The following DRAM1 variants were observed in gnomAD, a reference collection of about 807,000 sequenced individuals.
DRAM1 encodes DNA damage regulated autophagy modulator 1.
A neutral mutation model predicts 28.5 loss-of-function variants in DRAM1; 25 were observed. The observed-to-expected ratio is 0.88, with a 90% CI of 0.64 to 1.23. The LOEUF (loss-of-function observed/expected upper bound fraction) is 1.23. Ranked by LOEUF, DRAM1 falls within the 50% of genes most tolerant of loss-of-function variation. The probability of loss-of-function intolerance (pLI) is 0.00; values close to 1 mark genes in which losing one functional copy is unlikely to be tolerated. For missense variants in DRAM1, 249 were observed against 299.2 expected (o/e 0.83, Z 1.24); for synonymous variants, 113 against 114.2 (o/e 0.99, Z 0.07).
Position 101,901,526 on chromosome 12 carries a change from A to G in DRAM1, c.342+93A>G. 3 of 1,424,730 alleles carry G rather than the reference A, an allele frequency of 2.1e-6. No homozygotes were observed. The South Asian group carries it at 4.0e-5, about 19-fold the overall frequency. The allele number at this position is 1,424,730 out of a possible 1,614,324, so 88.3% of individuals were successfully genotyped here. A position where few individuals can be genotyped will look rare whatever the true frequency, so the allele number is the denominator to read the frequency against. ...ATGCAAGAGGCACACTTATGCCATT[A>G]TAGCCATTAAATGCTTGATGAGTTT... On this transcript the variant is annotated intron_variant, in intron 3 of 6. Coordinates refer to ENST00000258534, the MANE Select transcript of DRAM1 (RefSeq NM_018370.3).
chr12:101,892,070 G>C (rs1435215112), intron 1 of DRAM1, among the ~76,000 whole-genome samples: 4 of 152,148 alleles, frequency 2.6e-5, no homozygotes, highest in Non-Finnish European at 4.4e-5. Context: ...CTGGATTCCA[G>C]TATCACCAGA....
intron 1 of DRAM1, among the ~76,000 whole-genome samples, chr12:101,889,444 C>A (rs1372611944): frequency 6.8e-6 from 1 of 147,542 alleles, no homozygotes; most frequent in Non-Finnish European, 1.5e-5. Context: ...TCCACTCAGA[C>A]AAGAAAAGAG....
intron 1 of DRAM1, among the ~76,000 whole-genome samples, chr12:101,880,786 C>T (rs1872663013): frequency 6.6e-6 from 1 of 152,118 alleles, no homozygotes; most frequent in African/African-American, 2.4e-5. Flanking sequence ...GGAAAATAAG[C>T]TGACAAGGTG....
chr12:101,902,393 C>A (rs1270605936), intron 3 of DRAM1, among the ~76,000 whole-genome samples: 2 of 152,070 alleles, frequency 1.3e-5, no homozygotes, highest in Non-Finnish European at 2.9e-5. Context: ...CTTCCTAGAG[C>A]CTGTGAGAGC....
Position 101,885,283 on chromosome 12 carries a change from A to G in DRAM1, c.131+7363A>G, listed in dbSNP as rs147530924. Among the ~76,000 whole-genome samples, 213 of 152,270 alleles carry G rather than the reference A, an allele frequency of 1.4e-3. 1 individual carries two copies. Among genetic ancestry groups the G allele is most frequent in the African/African-American group, 4.7e-3 (196 of 41,556 alleles). Reference sequence around the variant, plus strand: ...GTCTTTCATTTCACATTTAACTTTAAAGAAAGTTTCCTTCTTCTCTTTTTG... The same window carrying G: ...GTCTTTCATTTCACATTTAACTTTAGAGAAAGTTTCCTTCTTCTCTTTTTG... On this transcript the variant is annotated intron_variant, in intron 1 of 6. Coordinates refer to ENST00000258534, the MANE Select transcript of DRAM1 (RefSeq NM_018370.3).
chr12:101,897,831 C>G, intron 1 of DRAM1, 32 bp from the exon 2 acceptor site: 1 of 1,527,570 alleles, frequency 6.5e-7, no homozygotes, highest in Non-Finnish European at 9.1e-7. Flanking sequence ...GAATTTCTTT[C>G]TAATAATTTG....
At chr12:101,892,641 G>T (rs1475525247) in intron 1 of DRAM1, among the ~76,000 whole-genome samples, 1 of 152,050 alleles carries the variant, frequency 6.6e-6, no homozygotes, top group East Asian at 1.9e-4. Context: ...TTGCCTCTTG[G>T]AAAGTTTTCA....
Position 101,921,438 on chromosome 12 carries a change from G to T in DRAM1, c.*178G>T. Reference sequence around the variant, plus strand: ...TATTTCTAAAGATGTGTTTCCTAGAGAATGTACAGCCTTATGACACTGTAG... The same window carrying T: ...TATTTCTAAAGATGTGTTTCCTAGATAATGTACAGCCTTATGACACTGTAG... On this transcript the variant is annotated 3_prime_UTR_variant, in exon 7 of 7. Transcript: ENST00000258534. 1 of 600,320 alleles carries T rather than the reference G, an allele frequency of 1.7e-6. No homozygotes were observed. The highest frequency in any genetic ancestry group is 3.0e-6 in the Non-Finnish European group (1 of 334,386). 37.2% of individuals were successfully genotyped at this position (600,320 alleles called of 1,614,324 possible). A position where few individuals can be genotyped will look rare whatever the true frequency, so the allele number is the denominator to read the frequency against.
chr12:101,910,563 C>T (rs571621104), intron 4 of DRAM1, among the ~76,000 whole-genome samples: 14 of 151,744 alleles, frequency 9.2e-5, no homozygotes, highest in South Asian at 6.3e-4. Flanking sequence ...CTGCAACCTC[C>T]GCCTCCCGGG....
At chr12:101,883,435 C>A (rs1872761552) in intron 1 of DRAM1, among the ~76,000 whole-genome samples, 1 of 151,166 alleles carries the variant, frequency 6.6e-6, no homozygotes, top group Non-Finnish European at 1.5e-5. Flanking sequence ...CTGCCTCAGC[C>A]TCCTGATAGC....
At chr12:101,879,153 C>A (rs556317978) in intron 1 of DRAM1, among the ~76,000 whole-genome samples, 2 of 152,184 alleles carry the variant, frequency 1.3e-5, no homozygotes, top group East Asian at 3.9e-4. Flanking sequence ...CACCACCACA[C>A]CTGGCTTAAT....
intron 4 of DRAM1, among the ~76,000 whole-genome samples, chr12:101,910,402 C>G (rs560410843): frequency 2.0e-5 from 3 of 152,012 alleles, no homozygotes; most frequent in Non-Finnish European, 4.4e-5. Context: ...CCCTAGATAT[C>G]AAAGTCAGAG....
At chr12:101,901,548 G>A (rs1260816005) in intron 3 of DRAM1, 115 bp downstream of exon 3, 2 of 1,284,670 alleles carry the variant, frequency 1.6e-6, no homozygotes, top group African/African-American at 1.5e-5. Context: ...TGCTTGATGA[G>A]TTTACAATAA....
At chr12:101,902,408 C>T (rs1302539282) in intron 3 of DRAM1, among the ~76,000 whole-genome samples, 1 of 152,074 alleles carries the variant, frequency 6.6e-6, no homozygotes, top group African/African-American at 2.4e-5. Flanking sequence ...GAGAGCTATC[C>T]TCAATGCTAA....
intron 4 of DRAM1, among the ~76,000 whole-genome samples, chr12:101,910,378 C>G (rs182184766): frequency 1.1e-4 from 16 of 152,184 alleles, no homozygotes; most frequent in African/African-American, 3.9e-4. Context: ...TTGCTTCCAA[C>G]TTCGGAAACA....
chr12:101,919,789 T>G (rs184052855), intron 5 of DRAM1, among the ~76,000 whole-genome samples: 1 of 152,348 alleles, frequency 6.6e-6, no homozygotes, highest in African/African-American at 2.4e-5. Context: ...TGGAAATTTC[T>G]TTCTTCTGTT....
Position 101,913,201 on chromosome 12 carries a change from G to A in DRAM1, c.521-973G>A, listed in dbSNP as rs1250067533. 3.3e-5 allele frequency among the ~76,000 whole-genome samples: 5 copies of A among 152,164 alleles called. No homozygotes were observed. In the East Asian group the frequency reaches 9.6e-4, roughly 29 times the overall value. ...CTGGCATTATTAGGCTGGACTGTAG[G>A]CATGTGTCAGTCATCCCTGAAGTCT... On this transcript the variant is annotated intron_variant, in intron 4 of 6. Coordinates refer to ENST00000258534, the MANE Select transcript of DRAM1 (RefSeq NM_018370.3).
chr12:101,899,906 T>C (rs1271760690), intron 2 of DRAM1, among the ~76,000 whole-genome samples: 1 of 152,232 alleles, frequency 6.6e-6, no homozygotes, highest in African/African-American at 2.4e-5. Flanking sequence ...AATTCTAATG[T>C]TGAAGTGAAC....
intron 1 of DRAM1, 130 bp from the exon 2 acceptor site, chr12:101,897,733 C>A: frequency 2.9e-6 from 2 of 680,438 alleles, no homozygotes; most frequent in Non-Finnish European, 5.2e-6. Context: ...AAAATCAGGC[C>A]AAATCTTTGG....
Sources: allele counts gnomAD v4.1 joint callset (sites outside exome capture counted in the v4.1 genomes callset), GRCh38; gene constraint gnomAD v4.1.1; transcripts MANE v1.5; gene names NCBI Gene and HGNC (gene_info 2026-07-23, HGNC 2026-07-21).